NLRP3: variants seen among roughly 807,000 people sequenced by gnomAD.
NLRP3 encodes NACHT, LRR and PYD domains-containing protein 3.
A neutral mutation model predicts 91.3 loss-of-function variants in NLRP3; 48 were observed. That is an observed-to-expected ratio of 0.53 (90% CI 0.42 to 0.67). The LOEUF (loss-of-function observed/expected upper bound fraction) is 0.67. Ranked by LOEUF, NLRP3 falls within the 30% of genes least tolerant of loss-of-function variation. The pLI is 0.00. For synonymous variants in NLRP3, 561 were observed against 507.9 expected, an observed-to-expected ratio of 1.10 and a Z score of -1.41; for missense variants, 982 against 1,276.9, an observed-to-expected ratio of 0.77 and a Z score of 3.52.
chr1:247,421,289 A>G (rs12048215), intron 2 of NLRP3, among the ~76,000 whole-genome samples: 17,344 of 151,924 alleles, frequency 0.11, 1,172 homozygotes, highest in East Asian at 0.3. Flanking sequence ...TGTGGGTGTA[A>G]TGACACTGGG....
Position 247,424,422 on chromosome 1 carries a change from C to A in NLRP3, c.973C>A (p.Arg325=), listed in dbSNP as rs180177500. 4 of 1,614,022 alleles carry A rather than the reference C, an allele frequency of 2.5e-6. No homozygotes were observed. The highest frequency in any genetic ancestry group is 2.5e-6 in the Non-Finnish European group (3 of 1,180,048). ...CTGCACTGACTGGCAGAAGGCCGAG[C>A]GGGGAGACATTCTCCTGAGCAGCCT... ...PLCTDWQKAE[R]GDILLSSLIR... The change falls in exon 4 of 10, where the codon CGG becomes AGG. Residue 325 remains arginine (R), a synonymous_variant. Transcript: ENST00000336119. The surrounding 1 kb of genome is among the most constrained non-coding windows in gnomAD (Gnocchi z 8.1).
intron 5 of NLRP3, among the ~76,000 whole-genome samples, chr1:247,433,532 T>G (rs1663505286): frequency 6.6e-6 from 1 of 152,236 alleles, no homozygotes; most frequent in Admixed American, 6.5e-5. Context: ...ATCCCTCTGC[T>G]GTGACTGGGG....
Position 247,425,076 on chromosome 1 carries a change from A to T in NLRP3, c.1627A>T (p.Asn543Tyr). The T allele has an allele frequency of 1.2e-6, 2 of 1,614,168 alleles. No homozygotes were observed. The highest frequency in any genetic ancestry group is 1.7e-6 in the Non-Finnish European group (2 of 1,180,028). Reference sequence around the variant, plus strand: ...GGAAGAGGAAAAGGAAGGAAGGACGAACGTTCCAGGGAGTCGTTTGAAGCT... The same window carrying T: ...GGAAGAGGAAAAGGAAGGAAGGACGTACGTTCCAGGGAGTCGTTTGAAGCT... ...LLEEEKEGRT[N>Y]VPGSRLKLPS... The change falls in exon 4 of 10, where the codon AAC becomes TAC. Residue 543 changes from asparagine (N) to tyrosine (Y), a missense_variant. Coordinates refer to ENST00000336119, the MANE Select transcript of NLRP3 (RefSeq NM_001243133.2). This position sits in a 1 kb window ranked among gnomAD's most constrained non-coding sequence, Gnocchi z 4.1.
In NLRP3 at chr1:247,429,611, GT is replaced by G; in HGVS notation, c.2182del (p.Cys728AlafsTer8). On this transcript the variant is annotated frameshift_variant, in exon 5 of 10. Transcript: ENST00000336119. LOFTEE classifies it high-confidence loss of function. ...TTGGTGAACAGCCACCTCACTTCCA[GT>G]TTTTGCCGGGGCCTCTTTTCAGTTC... ...HGLVNSHLTS[S>X]FCRGLFSVLS... 1 of 1,614,184 alleles carries G rather than the reference GT, an allele frequency of 6.2e-7. No homozygotes were observed. The highest frequency in any genetic ancestry group is 1.1e-5 in the South Asian group (1 of 91,086).
chr1:247,430,892 C>G (rs368927620), intron 5 of NLRP3, among the ~76,000 whole-genome samples: 1 of 152,020 alleles, frequency 6.6e-6, no homozygotes, highest in Non-Finnish European at 1.5e-5. Flanking sequence ...TCAGCTCCCC[C>G]GAGTAGCTGG....
At chr1:247,426,873 G>A (rs1662926018) in intron 4 of NLRP3, among the ~76,000 whole-genome samples, 1 of 152,130 alleles carries the variant, frequency 6.6e-6, no homozygotes, top group Non-Finnish European at 1.5e-5. Context: ...AGAAGGAAAG[G>A]GGCAGCCAGG....
At chr1:247,419,164 A>ATTTTTTTTT in intron 2 of NLRP3, 87 bp downstream of exon 2, 1 of 692,540 alleles carries the variant, frequency 1.4e-6, no homozygotes, top group African/African-American at 3.6e-5. Flanking sequence ...ATATATATAT[A>ATTTTTTTTT]TTTTTTTTTG....
intron 7 of NLRP3, among the ~76,000 whole-genome samples, chr1:247,439,660 A>C (rs907330998): frequency 3.9e-5 from 6 of 152,196 alleles, no homozygotes; most frequent in African/African-American, 1.4e-4. Context: ...CCACATATAA[A>C]GTCTTAGAGG....
intron 2 of NLRP3, among the ~76,000 whole-genome samples, chr1:247,422,448 T>C (rs950609225): frequency 2.0e-5 from 3 of 152,156 alleles, no homozygotes; most frequent in Non-Finnish European, 4.4e-5. Context: ...GTCTTATATA[T>C]TTCCCCTAGT....
At chr1:247,416,261 G>C (rs1418250753) in intron 1 of NLRP3, 68 bp downstream of exon 1, 1 of 152,534 alleles carries the variant, frequency 6.6e-6, no homozygotes, top group Admixed American at 6.5e-5. Context: ...ATTGTGTTCA[G>C]AGGGCAGAAC....
At chr1:247,446,928 T>C (rs1664621181) in intron 9 of NLRP3, among the ~76,000 whole-genome samples, 2 of 152,124 alleles carry the variant, frequency 1.3e-5, no homozygotes, top group South Asian at 4.1e-4. Flanking sequence ...GACAAGCCAA[T>C]ATTCCCAGAG....
Position 247,436,086 on chromosome 1 carries a change from T to C in NLRP3, c.2609T>C (p.Val870Ala), listed in dbSNP as rs781488546. ...VGENALGDSG[V>A]AILCEKAKNP... ...GAGAATGCCTTGGGAGACTCAGGAG[T>C]CGCAATTTTATGTGAAAAAGCCAAG... Residue 870 changes from valine to alanine, a missense_variant, in exon 7 of 10, where the codon GTC (valine) becomes GCC (alanine). Val to Ala is a moderately conservative substitution (Grantham distance 64). Coordinates refer to ENST00000336119, the MANE Select transcript of NLRP3 (RefSeq NM_001243133.2). 5.6e-6 allele frequency: 9 copies of C among 1,613,938 alleles called. No individual in the cohort carries two copies. The highest frequency in any genetic ancestry group is 1.1e-5 in the South Asian group (1 of 91,078).
rs566089804 is a variant in NLRP3 at position 247,419,004 on chromosome 1, G to A, written c.204G>A (p.Met68Ile). ...DFNGEEKAWA[M>I]AVWIFAAINR... ...ATGGGGAGGAGAAGGCGTGGGCCATGGCCGTGTGGATCTTCGCTGCGATCA... is the reference window on the plus strand; with the variant it reads ...ATGGGGAGGAGAAGGCGTGGGCCATAGCCGTGTGGATCTTCGCTGCGATCA... The change falls in exon 2 of 10, where the codon ATG (methionine) becomes ATA (isoleucine). Residue 68 changes from methionine to isoleucine, a missense_variant. Around this residue, in one of 5 missense-constraint regions of NLRP3, gnomAD observed 548 missense variants for 713.7 expected, o/e 0.77. Coordinates refer to ENST00000336119, the MANE Select transcript of NLRP3 (RefSeq NM_001243133.2). 2 of 1,613,990 alleles carry A rather than the reference G, an allele frequency of 1.2e-6. No homozygotes were observed. Among genetic ancestry groups the A allele is most frequent in the African/African-American group, 1.3e-5 (1 of 75,032 alleles).
Position 247,444,051 on chromosome 1 carries a change from C to A in NLRP3, c.2743C>A (p.Leu915Ile). Residue 915 changes from leucine (L) to isoleucine (I), a missense_variant, in exon 8 of 10, where the codon CTT (leucine) becomes ATT (isoleucine). Leu to Ile is a conservative substitution (Grantham distance 5). Around this residue, in one of 5 missense-constraint regions of NLRP3, gnomAD observed 373 missense variants for 431.5 expected, o/e 0.86. Transcript: ENST00000336119. ...CAGCACTAATCAGAATCTCACGCAC[C>A]TTTACCTGCGAGGCAACACTCTCGG... is the stretch of plus-strand genomic sequence containing the variant. ...VLSTNQNLTH[L>I]YLRGNTLGDK... 6.2e-7 allele frequency: 1 copy of A among 1,614,184 alleles called. No individual in the cohort carries two copies. Among genetic ancestry groups the A allele is most frequent in the South Asian group, 1.1e-5 (1 of 91,074 alleles).
intron 4 of NLRP3, among the ~76,000 whole-genome samples, chr1:247,429,382 G>A (rs769922588): frequency 3.9e-5 from 6 of 152,140 alleles, no homozygotes; most frequent in Non-Finnish European, 7.4e-5. Flanking sequence ...CATGCTCTCC[G>A]TCCGAGAGGA....
rs1664473673 is a variant in NLRP3 at position 247,444,658 on chromosome 1, A to G, written c.2842A>G (p.Asn948Asp). The change falls in exon 9 of 10, where the codon AAC becomes GAC. Residue 948 changes from asparagine to aspartate, a missense_variant. By Grantham distance (23) the Asn-to-Asp change is conservative. Around this residue, in one of 5 missense-constraint regions of NLRP3, gnomAD observed 373 missense variants for 431.5 expected, o/e 0.86. Coordinates refer to ENST00000336119, the MANE Select transcript of NLRP3 (RefSeq NM_001243133.2). ...DCKLQVLELD[N>D]CNLTSHCCWD... ...ATCACCCCCTTTTTGCAGATTAGAC[A>G]ACTGCAACCTCACGTCACACTGCTG... The G allele has an allele frequency of 3.1e-6, 5 of 1,614,020 alleles. No homozygotes were observed. The highest frequency in any genetic ancestry group is 4.2e-6 in the Non-Finnish European group (5 of 1,180,018).
intron 5 of NLRP3, among the ~76,000 whole-genome samples, chr1:247,433,245 C>T (rs944648878): frequency 6.6e-6 from 1 of 152,030 alleles, no homozygotes; most frequent in Non-Finnish European, 1.5e-5. Context: ...AGAATCAGAG[C>T]TGCTTTTCCT....
chr1:247,445,603 T>C (rs1436767853), intron 9 of NLRP3, among the ~76,000 whole-genome samples: 1 of 152,204 alleles, frequency 6.6e-6, no homozygotes, highest in Non-Finnish European at 1.5e-5. Context: ...CCCACCTCTG[T>C]GATACTACTG....
intron 5 of NLRP3, among the ~76,000 whole-genome samples, chr1:247,430,176 G>A (rs556224597): frequency 1.3e-5 from 2 of 152,192 alleles, no homozygotes; most frequent in African/African-American, 4.8e-5. Context: ...GCACCCGGCC[G>A]GTGGTGTGGT....
Sources: allele counts gnomAD v4.1 joint callset (sites outside exome capture counted in the v4.1 genomes callset), GRCh38; gene constraint gnomAD v4.1.1; regional missense constraint gnomAD v4.1.1; non-coding constraint Gnocchi (gnomAD v3.1); transcripts MANE v1.5; gene names NCBI Gene and HGNC (gene_info 2026-07-23, HGNC 2026-07-21).